Variants in SMYD3 observed in about 807,000 individuals in gnomAD.
SMYD3 encodes histone-lysine N-methyltransferase SMYD3.
In SMYD3, 36 loss-of-function variants were observed where a neutral mutation model predicts 57.7. That is an observed-to-expected ratio of 0.62 (90% confidence interval 0.48 to 0.82). The LOEUF is 0.82. Ranked by LOEUF, SMYD3 falls within the 40% of genes least tolerant of loss-of-function variation. The pLI, the probability that SMYD3 is intolerant of heterozygous loss-of-function variation, is 0.00. For missense variants in SMYD3, 515 were observed against 538.8 expected (o/e 0.96, Z 0.44); for synonymous variants, 211 against 195.0 (o/e 1.08, Z -0.68).
At chr1:245,892,865 A>G (rs1360777527) in intron 8 of SMYD3, among the ~76,000 whole-genome samples, 2 of 152,222 alleles carry the variant, frequency 1.3e-5, no homozygotes, top group African/African-American at 4.8e-5. Context: ...TCCATGAAAG[A>G]AAAATACTGA....
chr1:246,028,330 T>C (rs994470813), intron 5 of SMYD3, among the ~76,000 whole-genome samples: 3 of 152,142 alleles, frequency 2.0e-5, no homozygotes, highest in Non-Finnish European at 2.9e-5. Context: ...CATAATCCTA[T>C]ATACAGAAAA....
chr1:246,406,715 T>G (rs2066871503), intron 1 of SMYD3, among the ~76,000 whole-genome samples: 1 of 152,170 alleles, frequency 6.6e-6, no homozygotes, highest in Non-Finnish European at 1.5e-5. Flanking sequence ...ACTTAGAGGT[T>G]AGGTAACTAG....
intron 5 of SMYD3, among the ~76,000 whole-genome samples, chr1:246,000,297 T>G (rs1257073637): frequency 3.3e-5 from 5 of 151,984 alleles, no homozygotes; most frequent in Admixed American, 3.3e-4. Flanking sequence ...TAAGTGTCGG[T>G]TTTTTTCTGT....
At chr1:246,117,499 T>A (rs2061359170) in intron 5 of SMYD3, among the ~76,000 whole-genome samples, 3 of 152,340 alleles carry the variant, frequency 2.0e-5, no homozygotes, top group Non-Finnish European at 4.4e-5. Context: ...CATTTTCATA[T>A]TACAATTGAA....
intron 5 of SMYD3, among the ~76,000 whole-genome samples, chr1:246,102,705 G>A (rs1358149657): frequency 1.3e-5 from 2 of 151,558 alleles, no homozygotes; most frequent in African/African-American, 4.9e-5. Context: ...GCCATGAGTT[G>A]GAGACTGGCC....
intron 5 of SMYD3, among the ~76,000 whole-genome samples, chr1:246,150,185 A>G (rs193182427): frequency 6.6e-6 from 1 of 152,346 alleles, no homozygotes; most frequent in African/African-American, 2.4e-5. Context: ...CCCAATTTCA[A>G]TGTTCACAGA....
At chr1:246,097,907 GA>G (rs1347672264) in intron 5 of SMYD3, among the ~76,000 whole-genome samples, 1 of 152,152 alleles carries the variant, frequency 6.6e-6, no homozygotes, top group Non-Finnish European at 1.5e-5. Flanking sequence ...TGTGGTGTCA[GA>G]AGTTTAGTTT....
chr1:246,238,694 T>C (rs890156846), intron 5 of SMYD3, among the ~76,000 whole-genome samples: 1 of 152,190 alleles, frequency 6.6e-6, no homozygotes, highest in Non-Finnish European at 1.5e-5. Flanking sequence ...CATCTCAGAT[T>C]ATCTTCTTTC....
At chr1:246,241,479 C>T (rs2063608794) in intron 5 of SMYD3, among the ~76,000 whole-genome samples, 1 of 152,186 alleles carries the variant, frequency 6.6e-6, no homozygotes. Context: ...TGATGTGCTG[C>T]TGGATTCGGT....
At position 245,955,230 on chromosome 1, in the gene SMYD3, T is replaced by C. The variant is rs2057797954; in HGVS notation, c.532-25293A>G. 2.7e-5 allele frequency among the ~76,000 whole-genome samples: 4 copies of C among 150,110 alleles called. No individual in the cohort carries two copies. In the South Asian group the frequency reaches 8.6e-4, roughly 32 times the overall value. On this transcript the variant is annotated intron_variant, in intron 5 of 11. Transcript: ENST00000490107. ...CCTCAGCCTCCTGAGTAGCTGGGACTACAGGTGCCCGCCGCCATACCTGGC... is the reference window on the plus strand; with the variant it reads ...CCTCAGCCTCCTGAGTAGCTGGGACCACAGGTGCCCGCCGCCATACCTGGC...
chr1:245,963,494 T>C (rs2058062389), intron 5 of SMYD3, among the ~76,000 whole-genome samples: 1 of 151,524 alleles, frequency 6.6e-6, no homozygotes, highest in Non-Finnish European at 1.5e-5. Context: ...ACTCCAGAGG[T>C]GCCCATCATG....
chr1:246,415,122 A>G (rs1000344194), intron 1 of SMYD3, among the ~76,000 whole-genome samples: 3 of 152,226 alleles, frequency 2.0e-5, no homozygotes, highest in South Asian at 2.1e-4. Context: ...GGTCTGTTTC[A>G]TATTACTGTA....
At chr1:245,879,177 T>A (rs910751761) in intron 8 of SMYD3, among the ~76,000 whole-genome samples, 2 of 152,248 alleles carry the variant, frequency 1.3e-5, no homozygotes, top group Non-Finnish European at 2.9e-5. Flanking sequence ...GGTTCCCATT[T>A]GCTTTATGCA....
chr1:246,402,985 C>T (rs1206087080), intron 1 of SMYD3, among the ~76,000 whole-genome samples: 1 of 152,148 alleles, frequency 6.6e-6, no homozygotes, highest in African/African-American at 2.4e-5. Flanking sequence ...AAAAATGAAG[C>T]TCACTCATTT....
At chr1:246,351,408 T>C (rs1291695987) in intron 2 of SMYD3, among the ~76,000 whole-genome samples, 2 of 152,212 alleles carry the variant, frequency 1.3e-5, no homozygotes, top group African/African-American at 4.8e-5. Context: ...CATTTTTTGT[T>C]TTGAAAATGC....
chr1:246,229,795 T>C (rs997433667), intron 5 of SMYD3, among the ~76,000 whole-genome samples: 1 of 152,216 alleles, frequency 6.6e-6, no homozygotes, highest in African/African-American at 2.4e-5. Flanking sequence ...TTAATACTGA[T>C]ATAGTGGCAA....
At chr1:246,471,721 C>T (rs1470432870) in intron 1 of SMYD3, among the ~76,000 whole-genome samples, 1 of 152,188 alleles carries the variant, frequency 6.6e-6, no homozygotes, top group Admixed American at 6.5e-5. Context: ...ATCAGGGATC[C>T]CCTGAGTAAG....
At chr1:246,461,839 A>AC (rs1348852079) in intron 1 of SMYD3, among the ~76,000 whole-genome samples, 1 of 152,124 alleles carries the variant, frequency 6.6e-6, no homozygotes, top group Non-Finnish European at 1.5e-5. Context: ...AGAGCCACAC[A>AC]CTTTTGGCAT....
At chr1:245,915,840 C>G (rs565889604) in intron 7 of SMYD3, among the ~76,000 whole-genome samples, 200 bp from the exon 8 acceptor site, 1 of 152,100 alleles carries the variant, frequency 6.6e-6, no homozygotes. Context: ...TCAGTCTTTG[C>G]TATGTGGTAA....
Sources: allele counts gnomAD v4.1 joint callset (sites outside exome capture counted in the v4.1 genomes callset), GRCh38; gene constraint gnomAD v4.1.1; transcripts MANE v1.5; gene names NCBI Gene and HGNC (gene_info 2026-07-23, HGNC 2026-07-21).